The following ARHGAP42 variants were observed in gnomAD, a reference collection of about 807,000 sequenced individuals.
ARHGAP42 encodes Rho GTPase activating protein 42, also known as rho GTPase-activating protein 42.
In ARHGAP42, 63 loss-of-function variants were observed where a neutral mutation model predicts 125.0. The ratio of observed to expected loss-of-function variants is 0.50; its 90% CI spans 0.41 to 0.62. ARHGAP42 has a LOEUF of 0.62. Ranked by LOEUF, ARHGAP42 falls within the 20% of genes least tolerant of loss-of-function variation. ARHGAP42 has a pLI of 0.00. For synonymous variants in ARHGAP42, 339 were observed against 351.0 expected (o/e 0.97, Z 0.38); for missense variants, 766 against 1,024.2 (o/e 0.75, Z 3.44).
At chr11:100,884,930 C>T (rs920629859) in intron 4 of ARHGAP42, among the ~76,000 whole-genome samples, 15 of 152,140 alleles carry the variant, frequency 9.9e-5, no homozygotes, top group Non-Finnish European at 1.9e-4. Context: ...AGCCCATTCT[C>T]CCTGCCTGCT....
At position 100,980,575 on chromosome 11, in the gene ARHGAP42, T is replaced by C. The variant is rs1280361487; in HGVS notation, c.2456+1526T>C. 1.3e-4 allele frequency among the ~76,000 whole-genome samples: 15 copies of C among 119,402 alleles called. 1 individual carries two copies. In the South Asian group the frequency reaches 1.4e-3, roughly 11 times the overall value. 78.3% of individuals were successfully genotyped at this position (119,402 alleles called of 152,430 possible). A position where few individuals can be genotyped will look rare whatever the true frequency, so the allele number is the denominator to read the frequency against. On this transcript the variant is annotated intron_variant, in intron 22 of 23. Transcript: ENST00000298815. ...TTTCTTCTTCTTTTTTTTTTTTTTT[T>C]TTTTTTTTTTTTTTGAGAAAGAGCC...
intron 2 of ARHGAP42, among the ~76,000 whole-genome samples, chr11:100,787,302 C>T (rs565961281): frequency 1.4e-3 from 207 of 151,938 alleles, no homozygotes; most frequent in Non-Finnish European, 2.1e-3. Context: ...GTGGCAGTTT[C>T]CCCTATGTGC....
At chr11:100,768,092 C>T (rs1012380536) in intron 1 of ARHGAP42, among the ~76,000 whole-genome samples, 2 of 151,800 alleles carry the variant, frequency 1.3e-5, no homozygotes, top group Admixed American at 6.6e-5. Context: ...TAAGTCCTGG[C>T]GTTATGTCTA....
chr11:100,854,312 GTT>G (rs1463649545), intron 3 of ARHGAP42, among the ~76,000 whole-genome samples: 1 of 152,106 alleles, frequency 6.6e-6, no homozygotes, highest in Non-Finnish European at 1.5e-5. Context: ...AAAGATGAAA[GTT>G]ATATTAAATT....
At chr11:100,785,807 A>C (rs1395376772) in intron 2 of ARHGAP42, among the ~76,000 whole-genome samples, 1 of 152,216 alleles carries the variant, frequency 6.6e-6, no homozygotes, top group Admixed American at 6.5e-5. Context: ...TTTGCCTTTA[A>C]AGATGATAAG....
chr11:100,760,062 T>G (rs1484431284), intron 1 of ARHGAP42, among the ~76,000 whole-genome samples: 1 of 152,224 alleles, frequency 6.6e-6, no homozygotes, highest in Non-Finnish European at 1.5e-5. Flanking sequence ...ATTAACCACA[T>G]GCACCATCCT....
chr11:100,957,537 C>T (rs990078199), intron 12 of ARHGAP42, among the ~76,000 whole-genome samples: 1 of 152,072 alleles, frequency 6.6e-6, no homozygotes, highest in East Asian at 1.9e-4. Context: ...CAAAGCTGTG[C>T]ACTAACTCTG....
chr11:100,801,220 T>G (rs1863844468), intron 3 of ARHGAP42, among the ~76,000 whole-genome samples: 2 of 152,218 alleles, frequency 1.3e-5, no homozygotes, highest in Admixed American at 6.5e-5. Context: ...GTCAAAGAAC[T>G]TGTATTTAAA....
At chr11:100,822,774 G>A (rs1422929093) in intron 3 of ARHGAP42, among the ~76,000 whole-genome samples, 1 of 152,098 alleles carries the variant, frequency 6.6e-6, no homozygotes, top group Non-Finnish European at 1.5e-5. Flanking sequence ...AAGTTTTGCA[G>A]TTCACAAAGG....
At chr11:100,933,299 T>G in intron 7 of ARHGAP42, 39 bp downstream of exon 7, 1 of 1,402,904 alleles carries the variant, frequency 7.1e-7, no homozygotes, top group Non-Finnish European at 9.7e-7. Flanking sequence ...TCAGCAAATC[T>G]GCAAATCTGA....
At chr11:100,988,415 T>C (rs1448041579) in intron 23 of ARHGAP42, among the ~76,000 whole-genome samples, 1 of 152,166 alleles carries the variant, frequency 6.6e-6, no homozygotes, top group African/African-American at 2.4e-5. Flanking sequence ...ATACAAATTT[T>C]AAAAATATAT....
chr11:100,847,371 G>A (rs1460344018), intron 3 of ARHGAP42, among the ~76,000 whole-genome samples: 1 of 152,160 alleles, frequency 6.6e-6, no homozygotes, highest in Admixed American at 6.5e-5. Flanking sequence ...CATCTGCCAT[G>A]CGCATGGTAG....
intron 1 of ARHGAP42, among the ~76,000 whole-genome samples, chr11:100,766,625 GCA>G (rs1862835592): frequency 1.3e-5 from 2 of 152,134 alleles, no homozygotes; most frequent in South Asian, 4.2e-4. Flanking sequence ...ATTCAGAATT[GCA>G]CAGTCAGTAG....
intron 22 of ARHGAP42, 97 bp from the exon 23 acceptor site, chr11:100,987,414 TTA>T: frequency 1.0e-6 from 1 of 991,460 alleles, no homozygotes. Context: ...TATGTTCCAA[TTA>T]CAAGTAAAAA....
intron 4 of ARHGAP42, among the ~76,000 whole-genome samples, chr11:100,862,648 T>C (rs1865471406): frequency 1.3e-5 from 2 of 152,216 alleles, no homozygotes; most frequent in South Asian, 4.1e-4. Context: ...GGTGATTCTG[T>C]GTATTTTATC....
At chr11:100,982,632 T>A (rs534854954) in intron 22 of ARHGAP42, among the ~76,000 whole-genome samples, 2 of 152,184 alleles carry the variant, frequency 1.3e-5, no homozygotes, top group Non-Finnish European at 2.9e-5. Flanking sequence ...TCAGTTATAC[T>A]CAGAGCAGAG....
chr11:100,738,956 G>A (rs1400430746), intron 1 of ARHGAP42, among the ~76,000 whole-genome samples: 2 of 152,152 alleles, frequency 1.3e-5, no homozygotes, highest in Non-Finnish European at 2.9e-5. Context: ...GTAAATCCAT[G>A]CTTATAAAGA....
At chr11:100,914,505 T>A (rs1329978219) in intron 5 of ARHGAP42, among the ~76,000 whole-genome samples, 1 of 70,670 alleles carries the variant, frequency 1.4e-5, no homozygotes, top group Non-Finnish European at 2.6e-5. Context: ...CATTGTCACC[T>A]TGAGAACAAC....
At chr11:100,749,430 T>A (rs1366764754) in intron 1 of ARHGAP42, among the ~76,000 whole-genome samples, 1 of 147,108 alleles carries the variant, frequency 6.8e-6, no homozygotes, top group Non-Finnish European at 1.5e-5. Flanking sequence ...ACCAGGGATG[T>A]CTCACCTGGC....
Sources: allele counts gnomAD v4.1 joint callset (sites outside exome capture counted in the v4.1 genomes callset), GRCh38; gene constraint gnomAD v4.1.1; transcripts MANE v1.5; gene names NCBI Gene and HGNC (gene_info 2026-07-23, HGNC 2026-07-21).